The following DLGAP2 variants were observed in gnomAD, a reference collection of about 807,000 sequenced individuals.
DLGAP2 encodes the protein DLG associated protein 2, also known as disks large-associated protein 2.
A neutral mutation model predicts 100.3 loss-of-function variants in DLGAP2; 26 were observed. That is an observed-to-expected ratio of 0.26 (90% CI 0.19 to 0.36). The LOEUF (loss-of-function observed/expected upper bound fraction) is 0.36, where lower values mean the gene tolerates loss of function less well. Among genes scored for constraint, DLGAP2 ranks in the 10% least tolerant of loss-of-function variants. The pLI, the probability that DLGAP2 is intolerant of heterozygous loss-of-function variation, is 1.00. For synonymous variants in DLGAP2, 886 were observed against 630.1 expected (o/e 1.41, Z -6.08); for missense variants, 1,858 against 1,453.2 (o/e 1.28, Z -4.53).
intron 1 of DLGAP2, among the ~76,000 whole-genome samples, chr8:784,637 C>A (rs1360895111): frequency 6.6e-6 from 1 of 152,108 alleles, no homozygotes; most frequent in Non-Finnish European, 1.5e-5. Flanking sequence ...GTCAAATGTA[C>A]CCTATCAAGA....
chr8:797,065 A>G (rs950080771), intron 1 of DLGAP2, among the ~76,000 whole-genome samples: 2 of 152,198 alleles, frequency 1.3e-5, no homozygotes, highest in Non-Finnish European at 2.9e-5. Flanking sequence ...TGTTTTTTAA[A>G]CTTTTATTAA....
chr8:755,725 G>A (rs1178184126), intron 1 of DLGAP2, among the ~76,000 whole-genome samples: 1 of 152,178 alleles, frequency 6.6e-6, no homozygotes, highest in African/African-American at 2.4e-5. Flanking sequence ...GGCCTGGAGA[G>A]GGGCCCCATG....
At chr8:1,097,658 G>A (rs1473635427) in intron 2 of DLGAP2, among the ~76,000 whole-genome samples, 142 of 110,588 alleles carry the variant, frequency 1.3e-3, no homozygotes, top group South Asian at 9.7e-3. Context: ...CTGGGAGCCC[G>A]GGGCAGGCCT....
At chr8:1,553,439 C>G (rs1390885413) in intron 5 of DLGAP2, among the ~76,000 whole-genome samples, 1 of 152,116 alleles carries the variant, frequency 6.6e-6, no homozygotes, top group Non-Finnish European at 1.5e-5. Flanking sequence ...GGGCAGCAGC[C>G]CTGTTTTATT....
At position 1,468,483 on chromosome 8, in the gene DLGAP2, C is replaced by T. The variant is rs1563167239; in HGVS notation, c.107-32883C>T. On this transcript the variant is annotated intron_variant, in intron 3 of 14. Coordinates refer to ENST00000637795, the MANE Select transcript of DLGAP2 (RefSeq NM_001346810.2). ...CTCCCCGGTTCACATCGCATGGATC[C>T]GGGCTGGCCCTGAGTCCTTAGCAGC... 2.0e-5 allele frequency among the ~76,000 whole-genome samples: 3 copies of T among 152,210 alleles called. 1 individual carries two copies. The highest frequency in any genetic ancestry group is 4.4e-5 in the Non-Finnish European group (3 of 68,040).
chr8:763,211 G>A (rs1033621220), intron 1 of DLGAP2, among the ~76,000 whole-genome samples: 2 of 152,204 alleles, frequency 1.3e-5, no homozygotes, highest in Admixed American at 1.3e-4. Context: ...TATCAGCAGC[G>A]CAGCCGGGAT....
At chr8:1,031,427 T>C (rs977576425) in intron 2 of DLGAP2, among the ~76,000 whole-genome samples, 3 of 152,140 alleles carry the variant, frequency 2.0e-5, no homozygotes, top group African/African-American at 7.2e-5. Flanking sequence ...TTGTTTATTT[T>C]TTGAGACAGG....
At chr8:1,360,136 T>A (rs527686132) in intron 3 of DLGAP2, among the ~76,000 whole-genome samples, 1 of 150,436 alleles carries the variant, frequency 6.6e-6, no homozygotes, top group South Asian at 2.1e-4. Context: ...ACTTGCCTTC[T>A]GGGTGTGACC....
chr8:1,135,503 G>GTTTTTTTTTTTTTTTTTTTTTTT (rs3080806), intron 2 of DLGAP2, among the ~76,000 whole-genome samples: 1 of 92,194 alleles, frequency 1.1e-5, no homozygotes, highest in Non-Finnish European at 2.0e-5. Flanking sequence ...TTTTTTGTGG[G>GTTTTTTTTTTTTTTTTTTTTTTT]TTTTTTTTTT....
chr8:1,438,919 C>T (rs544831731), intron 3 of DLGAP2, among the ~76,000 whole-genome samples: 1 of 152,176 alleles, frequency 6.6e-6, no homozygotes, highest in South Asian at 2.1e-4. Flanking sequence ...GAAAAAAGCA[C>T]GTTCACAATT....
chr8:1,614,080 T>C (rs549041283), intron 6 of DLGAP2, among the ~76,000 whole-genome samples: 146 of 152,224 alleles, frequency 9.6e-4, no homozygotes, highest in African/African-American at 3.3e-3. Flanking sequence ...GGGAGGCTGG[T>C]TCACTGCAAG....
At chr8:779,968 C>A (rs559609216) in intron 1 of DLGAP2, among the ~76,000 whole-genome samples, 1 of 152,138 alleles carries the variant, frequency 6.6e-6, no homozygotes, top group Non-Finnish European at 1.5e-5. Context: ...AGCTAACTGA[C>A]ATACCTGTCA....
intron 3 of DLGAP2, among the ~76,000 whole-genome samples, chr8:1,357,794 C>T (rs1343369295): frequency 6.6e-6 from 1 of 152,190 alleles, no homozygotes; most frequent in African/African-American, 2.4e-5. Context: ...CCATGCAGTG[C>T]TCTTCAGACA....
intron 4 of DLGAP2, among the ~76,000 whole-genome samples, chr8:1,547,602 C>G (rs1342643951): frequency 6.6e-6 from 1 of 152,176 alleles, no homozygotes; most frequent in Non-Finnish European, 1.5e-5. Flanking sequence ...TCCTCCTTCT[C>G]TGCAGGTCAC....
chr8:1,310,815 A>T (rs1466030957), intron 3 of DLGAP2, among the ~76,000 whole-genome samples: 1 of 151,992 alleles, frequency 6.6e-6, no homozygotes, highest in Non-Finnish European at 1.5e-5. Context: ...CCACCACCAC[A>T]CCCAGCTAAT....
At chr8:768,046 C>G (rs188598733) in intron 1 of DLGAP2, among the ~76,000 whole-genome samples, 1 of 152,196 alleles carries the variant, frequency 6.6e-6, no homozygotes. Flanking sequence ...GATGTGCATT[C>G]TCTTTCAGCT....
Position 1,090,692 on chromosome 8 carries a change from C to T in DLGAP2, c.74-168159C>T, listed in dbSNP as rs73670436. ...GGTGGAAGGCAGTACGCTGTGTGGA[C>T]GTCTGCTGACTCCAGGGCACCCTGG... On this transcript the variant is annotated intron_variant, in intron 2 of 14. Transcript: ENST00000637795. Among the ~76,000 whole-genome samples, 482 of 152,322 alleles carry T rather than the reference C, an allele frequency of 3.2e-3. 1 individual carries two copies. The highest frequency in any genetic ancestry group is 0.011 in the African/African-American group (458 of 41,572).
rs1271962722 is a variant in DLGAP2 at position 1,287,694 on chromosome 8, AGT to A, written c.106+28836_106+28837del. Reference sequence around the variant, plus strand: ...TTAGGAGGGGAACTAGTTTCGGTTCAGTGTGTGTGTGTGTGTGTGTGTGTGTA... The same window carrying A: ...TTAGGAGGGGAACTAGTTTCGGTTCAGTGTGTGTGTGTGTGTGTGTGTGTA... On this transcript the variant is annotated intron_variant, in intron 3 of 14. Coordinates refer to ENST00000637795, the MANE Select transcript of DLGAP2 (RefSeq NM_001346810.2). Among the ~76,000 whole-genome samples, 117 of 57,736 alleles carry A rather than the reference AGT, an allele frequency of 2.0e-3. 8 individuals carry two copies. Among genetic ancestry groups the A allele is most frequent in the East Asian group, 3.1e-3 (5 of 1,624 alleles). The allele number at this position is 57,736 out of a possible 152,430, so 37.9% of individuals were successfully genotyped here. A position where few individuals can be genotyped will look rare whatever the true frequency, so the allele number is the denominator to read the frequency against.
chr8:869,737 G>A (rs1388650637), intron 1 of DLGAP2, among the ~76,000 whole-genome samples: 1 of 152,232 alleles, frequency 6.6e-6, no homozygotes, highest in Admixed American at 6.5e-5. Flanking sequence ...GAGAACCCGT[G>A]ATATTTTGGC....
Sources: allele counts gnomAD v4.1 joint callset (sites outside exome capture counted in the v4.1 genomes callset), GRCh38; gene constraint gnomAD v4.1.1; transcripts MANE v1.5; gene names NCBI Gene and HGNC (gene_info 2026-07-23, HGNC 2026-07-21).